NRG3: variants seen among roughly 807,000 people sequenced by gnomAD.
NRG3 encodes the protein pro-neuregulin-3, membrane-bound isoform.
In NRG3, 31 loss-of-function variants were observed where a neutral mutation model predicts 66.9. The observed-to-expected ratio is 0.46, with a 90% confidence interval of 0.35 to 0.63. The LOEUF is 0.63. NRG3 is among the 20% of genes least tolerant of loss of function. NRG3 has a pLI of 0.00. For missense variants in NRG3, 910 were observed against 878.9 expected, an observed-to-expected ratio of 1.04 and a Z score of -0.45; for synonymous variants, 393 against 359.4, an observed-to-expected ratio of 1.09 and a Z score of -1.06.
At chr10:82,975,118 G>A (rs1036356828) in intron 7 of NRG3, among the ~76,000 whole-genome samples, 2 of 152,114 alleles carry the variant, frequency 1.3e-5, no homozygotes, top group Non-Finnish European at 1.5e-5. Flanking sequence ...TATCAATGTT[G>A]CATTTACAGA....
chr10:82,918,042 A>G (rs1381699840), intron 4 of NRG3, among the ~76,000 whole-genome samples: 3 of 148,920 alleles, frequency 2.0e-5, no homozygotes, highest in African/African-American at 5.0e-5. Flanking sequence ...TCTTACATGT[A>G]TGTATATTTT....
At chr10:82,894,922 T>C (rs1843503185) in intron 4 of NRG3, among the ~76,000 whole-genome samples, 1 of 152,126 alleles carries the variant, frequency 6.6e-6, no homozygotes, top group African/African-American at 2.4e-5. Flanking sequence ...CAGGCCCTGG[T>C]GTGTGATGTT....
At chr10:82,163,073 G>T (rs1458642270) in intron 1 of NRG3, among the ~76,000 whole-genome samples, 1 of 152,004 alleles carries the variant, frequency 6.6e-6, no homozygotes, top group Non-Finnish European at 1.5e-5. Context: ...AACCATTCAG[G>T]CCAGCAAAAG....
intron 1 of NRG3, among the ~76,000 whole-genome samples, chr10:82,213,898 A>T (rs1040335227): frequency 2.0e-5 from 3 of 152,126 alleles, no homozygotes; most frequent in African/African-American, 7.2e-5. Context: ...GGCTTATTCG[A>T]CTGCTCAAAC....
intron 2 of NRG3, among the ~76,000 whole-genome samples, chr10:82,627,093 G>A (rs2049482571): frequency 6.6e-6 from 1 of 151,884 alleles, no homozygotes; most frequent in South Asian, 2.1e-4. Context: ...CAACAGTCCT[G>A]ACCGATTTTG....
intron 2 of NRG3, among the ~76,000 whole-genome samples, chr10:82,524,407 C>T (rs1332982522): frequency 6.6e-6 from 1 of 151,820 alleles, no homozygotes; most frequent in African/African-American, 2.4e-5. Context: ...TTTCCTTATT[C>T]AGTATTTAAA....
chr10:82,921,984 G>C (rs149123274), intron 4 of NRG3, among the ~76,000 whole-genome samples: 1 of 151,994 alleles, frequency 6.6e-6, no homozygotes, highest in Non-Finnish European at 1.5e-5. Flanking sequence ...AAAGTATTTT[G>C]TAAACTATAT....
intron 1 of NRG3, among the ~76,000 whole-genome samples, chr10:82,320,555 T>A (rs1306172672): frequency 6.6e-6 from 1 of 152,078 alleles, no homozygotes; most frequent in Non-Finnish European, 1.5e-5. Context: ...TTTCTGGAGG[T>A]CTCCTTGAAA....
chr10:82,093,725 G>T, intron 1 of NRG3, among the ~76,000 whole-genome samples: 1 of 152,024 alleles, frequency 6.6e-6, no homozygotes. Context: ...TAAGCTTTAG[G>T]CTTTATATTT....
intron 2 of NRG3, among the ~76,000 whole-genome samples, chr10:82,598,340 A>G (rs2133373463): frequency 6.6e-6 from 1 of 152,304 alleles, no homozygotes; most frequent in East Asian, 1.9e-4. Flanking sequence ...TATGTAATTA[A>G]GTTGTGACAC....
intron 1 of NRG3, among the ~76,000 whole-genome samples, chr10:81,911,145 G>A (rs549512647): frequency 2.0e-5 from 3 of 152,202 alleles, no homozygotes; most frequent in Admixed American, 1.3e-4. Context: ...AATGCCTTGT[G>A]TTGGTGAACC....
chr10:82,206,024 T>G (rs1196301522), intron 1 of NRG3, among the ~76,000 whole-genome samples: 1 of 152,176 alleles, frequency 6.6e-6, no homozygotes, highest in Non-Finnish European at 1.5e-5. Flanking sequence ...CATATAGGCC[T>G]TACTCAATGA....
chr10:82,440,694 G>T (rs1390183296), intron 2 of NRG3, among the ~76,000 whole-genome samples: 3 of 151,928 alleles, frequency 2.0e-5, no homozygotes, highest in Non-Finnish European at 4.4e-5. Flanking sequence ...AATCCAGGAG[G>T]CTGCAAGAAG....
chr10:82,930,924 G>C (rs1416709012), intron 4 of NRG3, among the ~76,000 whole-genome samples: 1 of 152,182 alleles, frequency 6.6e-6, no homozygotes, highest in African/African-American at 2.4e-5. Flanking sequence ...GATGGATTGA[G>C]AGAAGCAGGG....
At chr10:82,410,853 G>C (rs957494337) in intron 2 of NRG3, among the ~76,000 whole-genome samples, 1 of 152,070 alleles carries the variant, frequency 6.6e-6, no homozygotes, top group Non-Finnish European at 1.5e-5. Context: ...TGATAGCTGT[G>C]TGATTGTTTT....
At chr10:82,281,441 T>C (rs2079115719) in intron 1 of NRG3, among the ~76,000 whole-genome samples, 1 of 152,144 alleles carries the variant, frequency 6.6e-6, no homozygotes, top group South Asian at 2.1e-4. Flanking sequence ...ATAAGATGTA[T>C]TGGCCCGGAG....
intron 3 of NRG3, among the ~76,000 whole-genome samples, chr10:82,769,535 G>T (rs1024404866): frequency 6.6e-6 from 1 of 152,018 alleles, no homozygotes; most frequent in Non-Finnish European, 1.5e-5. Context: ...TATAATTTAA[G>T]AGTAAAGCAG....
chr10:82,588,438 C>T (rs1277421267), intron 2 of NRG3, among the ~76,000 whole-genome samples: 2 of 152,138 alleles, frequency 1.3e-5, no homozygotes, highest in African/African-American at 2.4e-5. Context: ...CTTCCTGAGG[C>T]TCTCACCAGA....
intron 1 of NRG3, among the ~76,000 whole-genome samples, chr10:81,894,362 A>G (rs1843318060): frequency 6.6e-6 from 1 of 152,094 alleles, no homozygotes; most frequent in African/African-American, 2.4e-5. Flanking sequence ...AAAATAATTT[A>G]TTTTTATTTT....
Sources: gnomAD v4.1 joint callset for allele counts (sites outside exome capture counted in the v4.1 genomes callset) on GRCh38, gnomAD v4.1.1 for gene constraint, MANE v1.5 for transcripts, NCBI Gene and HGNC (gene_info 2026-07-23, HGNC 2026-07-21) for gene names.